Variants in ERBB4 observed in about 807,000 individuals in gnomAD.
ERBB4 encodes receptor tyrosine-protein kinase erbB-4.
In ERBB4, 42 loss-of-function variants were observed where a neutral mutation model predicts 158.0. That is an observed-to-expected ratio of 0.27 (90% confidence interval 0.21 to 0.34). The LOEUF (loss-of-function observed/expected upper bound fraction) is 0.34. Ranked by LOEUF, ERBB4 falls within the 10% of genes least tolerant of loss-of-function variation. The pLI is 1.00. For missense variants in ERBB4, 1,333 were observed against 1,624.1 expected (o/e 0.82, Z 3.08); for synonymous variants, 583 against 558.7 (o/e 1.04, Z -0.61).
chr2:212,271,884 G>C (rs1269591448), intron 1 of ERBB4, among the ~76,000 whole-genome samples: 3 of 151,810 alleles, frequency 2.0e-5, no homozygotes, highest in Admixed American at 1.3e-4. Flanking sequence ...AGATGCTCTA[G>C]ACGTTTAGCA....
chr2:211,397,141 C>G (rs891675224), intron 25 of ERBB4, among the ~76,000 whole-genome samples: 1 of 151,908 alleles, frequency 6.6e-6, no homozygotes, highest in South Asian at 2.1e-4. Flanking sequence ...AGAAAATAGC[C>G]CTCCCCGAGA....
intron 20 of ERBB4, among the ~76,000 whole-genome samples, chr2:211,504,270 T>C (rs1304661896): frequency 1.3e-5 from 2 of 152,010 alleles, no homozygotes; most frequent in African/African-American, 4.8e-5. Flanking sequence ...AGCCAGATAA[T>C]ATGCACAGCA....
chr2:211,882,275 T>C (rs1054145856), intron 3 of ERBB4, among the ~76,000 whole-genome samples: 13 of 152,184 alleles, frequency 8.5e-5, no homozygotes, highest in Non-Finnish European at 1.8e-4. Flanking sequence ...CATGGTTAAG[T>C]TCCCAGGACC....
chr2:211,761,593 T>C (rs1429037944), intron 4 of ERBB4, among the ~76,000 whole-genome samples: 2 of 152,220 alleles, frequency 1.3e-5, no homozygotes, highest in South Asian at 2.1e-4. Context: ...TCATTTCTAA[T>C]TGGCAATTAC....
chr2:211,442,648 ATGTG>A (rs1559173076), intron 20 of ERBB4, among the ~76,000 whole-genome samples: 2 of 152,018 alleles, frequency 1.3e-5, no homozygotes, highest in East Asian at 2.0e-4. Flanking sequence ...ACACGTATAT[ATGTG>A]TGTGTTATAT....
chr2:212,509,910 TCA>T (rs1313727994), intron 1 of ERBB4, among the ~76,000 whole-genome samples: 1 of 151,876 alleles, frequency 6.6e-6, no homozygotes, highest in Non-Finnish European at 1.5e-5. Context: ...TTTGTAGTCT[TCA>T]GACTACTTTC....
Position 211,866,960 on chromosome 2 carries a change from T to G in ERBB4, c.422-78801A>C, listed in dbSNP as rs2078222283. ...TCTGTCTCTGTATGGGGGAGCTTCT[T>G]CCTTCTGTCTTCTCCCTTCCTTCTT... is the stretch of plus-strand genomic sequence containing the variant. On this transcript the variant is annotated intron_variant, in intron 3 of 27. Coordinates refer to ENST00000342788, the MANE Select transcript of ERBB4 (RefSeq NM_005235.3). Among the ~76,000 whole-genome samples, 3 of 148,372 alleles carry G rather than the reference T, an allele frequency of 2.0e-5. No individual in the cohort carries two copies. In the East Asian group the frequency reaches 6.0e-4, roughly 30 times the overall value.
At chr2:211,413,545 G>A (rs892108792) in intron 25 of ERBB4, among the ~76,000 whole-genome samples, 23 of 152,004 alleles carry the variant, frequency 1.5e-4, no homozygotes, top group Non-Finnish European at 3.1e-4. Flanking sequence ...AGTAGCAGCC[G>A]TTGTTAGAAG....
Position 212,140,521 on chromosome 2 carries a change from ATG to A in ERBB4, c.83-15620_83-15619del, listed in dbSNP as rs1329706992. Among the ~76,000 whole-genome samples the A allele has an allele frequency of 1.5e-4, 21 of 143,476 alleles. 1 individual carries two copies. The highest frequency in any genetic ancestry group is 5.3e-4 in the African/African-American group (19 of 36,062). The allele number at this position is 143,476 out of a possible 152,430, so 94.1% of individuals were successfully genotyped here. On this transcript the variant is annotated intron_variant, in intron 1 of 27. Coordinates refer to ENST00000342788, the MANE Select transcript of ERBB4 (RefSeq NM_005235.3). ...TAAAAAGTATATTTCATTTTTAAAA[ATG>A]TTTTTTTTTTAATTTTAGGAAAGGG...
intron 2 of ERBB4, among the ~76,000 whole-genome samples, chr2:211,999,313 A>G (rs929932391): frequency 2.0e-5 from 3 of 151,768 alleles, no homozygotes; most frequent in Admixed American, 2.0e-4. Flanking sequence ...GCATCAATCA[A>G]TTTTTTGCCA....
chr2:212,064,657 G>A (rs1017005595), intron 2 of ERBB4, among the ~76,000 whole-genome samples: 5 of 151,970 alleles, frequency 3.3e-5, no homozygotes, highest in African/African-American at 1.2e-4. Flanking sequence ...ATAAATGGGT[G>A]GGCAAGCAGT....
chr2:212,322,844 T>G (rs898127675), intron 1 of ERBB4, among the ~76,000 whole-genome samples: 5 of 150,416 alleles, frequency 3.3e-5, no homozygotes, highest in Admixed American at 2.0e-4. Flanking sequence ...CATTTGGACA[T>G]GTAGCACCAG....
intron 14 of ERBB4, among the ~76,000 whole-genome samples, chr2:211,671,619 T>C (rs1406166671): frequency 6.6e-6 from 1 of 152,180 alleles, no homozygotes; most frequent in Non-Finnish European, 1.5e-5. Context: ...CTAGAGGGCC[T>C]ATGATGATTC....
intron 20 of ERBB4, among the ~76,000 whole-genome samples, chr2:211,550,772 A>G (rs746259725): frequency 1.3e-5 from 2 of 148,884 alleles, no homozygotes; most frequent in Non-Finnish European, 3.0e-5. Context: ...GTTTCTCTTT[A>G]CAAAGCAATA....
intron 1 of ERBB4, among the ~76,000 whole-genome samples, chr2:212,527,315 T>C (rs918064051): frequency 1.7e-4 from 26 of 152,182 alleles, no homozygotes; most frequent in Non-Finnish European, 3.5e-4. Context: ...AGTGTGATTT[T>C]ACACTACGTA....
chr2:211,392,598 A>ACACACC (rs2062824464), intron 25 of ERBB4, among the ~76,000 whole-genome samples: 2 of 141,882 alleles, frequency 1.4e-5, no homozygotes, highest in African/African-American at 5.2e-5. Flanking sequence ...ACACACACAC[A>ACACACC]CACCCCAATA....
At chr2:211,992,565 GAGAAA>G (rs1247871844) in intron 2 of ERBB4, among the ~76,000 whole-genome samples, 1 of 122,604 alleles carries the variant, frequency 8.2e-6, no homozygotes, top group African/African-American at 3.0e-5. Flanking sequence ...GAGAGAGAGA[GAGAAA>G]AAAAAAAAAA....
At chr2:211,901,110 G>A (rs1978873) in intron 3 of ERBB4, among the ~76,000 whole-genome samples, 9,252 of 152,188 alleles carry the variant, frequency 0.061, 450 homozygotes, top group Non-Finnish European at 0.09. Context: ...GTAAATAAAT[G>A]ATGATGGTGA....
intron 1 of ERBB4, among the ~76,000 whole-genome samples, chr2:212,194,550 A>G (rs1204355857): frequency 6.6e-6 from 1 of 152,060 alleles, no homozygotes; most frequent in Non-Finnish European, 1.5e-5. Context: ...CTTGTTCATT[A>G]GAATCATACA....
Sources: allele counts gnomAD v4.1 joint callset (sites outside exome capture counted in the v4.1 genomes callset), GRCh38; gene constraint gnomAD v4.1.1; transcripts MANE v1.5; gene names NCBI Gene and HGNC (gene_info 2026-07-23, HGNC 2026-07-21).